The following VTI1A variants were observed in gnomAD, a reference collection of about 807,000 sequenced individuals.
VTI1A encodes the protein vesicle transport through interaction with t-SNAREs 1A, also known as vesicle transport through interaction with t-SNAREs homolog 1A.
VTI1A carries 22 observed loss-of-function variants against 34.9 expected under a neutral mutation model. The observed-to-expected ratio is 0.63, with a 90% confidence interval of 0.45 to 0.90. The LOEUF (loss-of-function observed/expected upper bound fraction) is 0.90. Among genes scored for constraint, VTI1A ranks in the 40% least tolerant of loss-of-function variants. VTI1A has a pLI of 0.00. For missense variants in VTI1A, 268 were observed against 275.6 expected (o/e 0.97, Z 0.20); for synonymous variants, 87 against 97.3 (o/e 0.89, Z 0.62).
intron 7 of VTI1A, among the ~76,000 whole-genome samples, chr10:112,683,254 T>C (rs2133863462): frequency 6.6e-6 from 1 of 152,342 alleles, no homozygotes; most frequent in South Asian, 2.1e-4. Flanking sequence ...GCAGTTGCGA[T>C]TCCCCAAACA....
intron 5 of VTI1A, among the ~76,000 whole-genome samples, chr10:112,599,960 C>T (rs1276906228): frequency 6.6e-6 from 1 of 152,062 alleles, no homozygotes; most frequent in Non-Finnish European, 1.5e-5. Context: ...ATAAATTATG[C>T]TATGTGTTCA....
At chr10:112,693,726 G>C (rs1005145839) in intron 7 of VTI1A, among the ~76,000 whole-genome samples, 17 of 152,066 alleles carry the variant, frequency 1.1e-4, no homozygotes, top group African/African-American at 1.9e-4. Context: ...AGCACAAAAG[G>C]TAAATTAAAA....
At chr10:112,792,699 A>G (rs1195877059) in intron 7 of VTI1A, among the ~76,000 whole-genome samples, 13 of 152,360 alleles carry the variant, frequency 8.5e-5, no homozygotes, top group African/African-American at 2.4e-4. Flanking sequence ...GCCCGTATCA[A>G]TGAAGCCTCC....
At chr10:112,468,114 G>A (rs1327269080) in intron 3 of VTI1A, among the ~76,000 whole-genome samples, 2 of 152,188 alleles carry the variant, frequency 1.3e-5, no homozygotes, top group Admixed American at 6.5e-5. Context: ...ACGTGTGTGT[G>A]CTTGCAGAGA....
chr10:112,641,878 A>G (rs1846588209), intron 5 of VTI1A, among the ~76,000 whole-genome samples: 1 of 152,192 alleles, frequency 6.6e-6, no homozygotes, highest in Non-Finnish European at 1.5e-5. Context: ...GTCTTTGAAC[A>G]CAAATGGGCC....
intron 7 of VTI1A, among the ~76,000 whole-genome samples, chr10:112,768,202 A>AT (rs111816957): frequency 6.6e-6 from 1 of 152,246 alleles, no homozygotes; most frequent in African/African-American, 2.4e-5. Flanking sequence ...GTGAGGATCC[A>AT]TTGTTATGGT....
At chr10:112,713,578 A>G (rs567775864) in intron 7 of VTI1A, among the ~76,000 whole-genome samples, 140 of 152,328 alleles carry the variant, frequency 9.2e-4, no homozygotes, top group African/African-American at 3.2e-3. Flanking sequence ...GCTCCAGTCT[A>G]TCAGCCTTAA....
In VTI1A at chr10:112,447,428, A is replaced by C. The variant is rs758215615; in HGVS notation, c.55A>C (p.Ile19Leu). Residue 19 changes from isoleucine (I) to leucine (L), a missense_variant, in exon 1 of 8, where the codon ATC becomes CTC. Coordinates refer to ENST00000393077, the MANE Select transcript of VTI1A (RefSeq NM_145206.4). Reference sequence around the variant, plus strand: ...GGACTTCGCGGTGCTCACTGCAGAGATCACCAGCAAGATTGCGAGGGTCCC... The same window carrying C: ...GGACTTCGCGGTGCTCACTGCAGAGCTCACCAGCAAGATTGCGAGGGTCCC... ...EQDFAVLTAEITSKIARVPRL... is the reference protein window; with the variant it reads ...EQDFAVLTAELTSKIARVPRL... 2 of 1,613,642 alleles carry C rather than the reference A, an allele frequency of 1.2e-6. No individual in the cohort carries two copies. Among genetic ancestry groups the C allele is most frequent in the Non-Finnish European group, 1.7e-6 (2 of 1,179,978 alleles).
chr10:112,645,324 T>C (rs1160568685), intron 5 of VTI1A, among the ~76,000 whole-genome samples: 1 of 152,172 alleles, frequency 6.6e-6, no homozygotes, highest in East Asian at 1.9e-4. Context: ...CAGTTACTCA[T>C]TATGGGGTGT....
At chr10:112,789,538 G>C (rs35589278) in intron 7 of VTI1A, among the ~76,000 whole-genome samples, 29,624 of 151,938 alleles carry the variant, frequency 0.19, 3,375 homozygotes, top group Middle Eastern at 0.3. Context: ...CTTCTTCTTG[G>C]ATTCCCATTA....
At chr10:112,691,634 A>C (rs2133881159) in intron 7 of VTI1A, among the ~76,000 whole-genome samples, 1 of 152,336 alleles carries the variant, frequency 6.6e-6, no homozygotes, top group East Asian at 1.9e-4. Flanking sequence ...CATACATAGA[A>C]ATGTGAGTTA....
chr10:112,793,045 C>G (rs537351196), intron 7 of VTI1A, among the ~76,000 whole-genome samples: 1 of 152,316 alleles, frequency 6.6e-6, no homozygotes, highest in South Asian at 2.1e-4. Context: ...TTGTCGCACA[C>G]TCGGTGAAGT....
intron 3 of VTI1A, among the ~76,000 whole-genome samples, chr10:112,482,999 AAGAG>A (rs1848502836): frequency 6.6e-6 from 1 of 152,166 alleles, no homozygotes; most frequent in Admixed American, 6.5e-5. Context: ...GGGAAATAAA[AAGAG>A]AGAAAAGAAG....
chr10:112,505,779 T>A (rs1357920841), intron 3 of VTI1A, among the ~76,000 whole-genome samples: 1 of 151,922 alleles, frequency 6.6e-6, no homozygotes, highest in African/African-American at 2.4e-5. Context: ...GCTCAAGCAA[T>A]CCTCCCACTT....
At chr10:112,838,945 C>T in the VTI1A span, among the ~76,000 whole-genome samples, 25 of 152,304 alleles carry the variant, frequency 1.6e-4, no homozygotes, top group African/African-American at 4.6e-4. Context: ...CAGTCAGTCC[C>T]GCAGCCTGCA....
At chr10:112,571,227 A>G (rs962909781) in intron 5 of VTI1A, among the ~76,000 whole-genome samples, 3 of 152,222 alleles carry the variant, frequency 2.0e-5, no homozygotes, top group Non-Finnish European at 1.5e-5. Context: ...TCCTAAGATG[A>G]TTTAAAATAT....
Position 112,447,433 on chromosome 10 carries a change from C to T in VTI1A, c.60C>T (p.Thr20=). Residue 20 remains threonine (T), a synonymous_variant, in exon 1 of 8, where the codon ACC becomes ACT. Coordinates refer to ENST00000393077, the MANE Select transcript of VTI1A (RefSeq NM_145206.4). The part of the protein sequence containing the change: ...QDFAVLTAEI[T]SKIARVPRLP... Reference sequence around the variant, plus strand: ...TCGCGGTGCTCACTGCAGAGATCACCAGCAAGATTGCGAGGGTCCCACGAC... The same window carrying T: ...TCGCGGTGCTCACTGCAGAGATCACTAGCAAGATTGCGAGGGTCCCACGAC... The T allele has an allele frequency of 6.2e-7, 1 of 1,613,710 alleles. No homozygotes were observed. Among genetic ancestry groups the T allele is most frequent in the Non-Finnish European group, 8.5e-7 (1 of 1,180,012 alleles).
At chr10:112,695,812 A>G (rs1195568084) in intron 7 of VTI1A, among the ~76,000 whole-genome samples, 1 of 152,208 alleles carries the variant, frequency 6.6e-6, no homozygotes, top group Non-Finnish European at 1.5e-5. Flanking sequence ...TTTTTACGCC[A>G]CACGTGACCC....
chr10:112,575,499 G>C (rs1367381491), intron 5 of VTI1A, among the ~76,000 whole-genome samples: 1 of 152,170 alleles, frequency 6.6e-6, no homozygotes, highest in Non-Finnish European at 1.5e-5. Flanking sequence ...CCTTCAGTAA[G>C]CGTTTGTTCG....
Sources: allele counts gnomAD v4.1 joint callset (sites outside exome capture counted in the v4.1 genomes callset), GRCh38; gene constraint gnomAD v4.1.1; transcripts MANE v1.5; gene names NCBI Gene and HGNC (gene_info 2026-07-23, HGNC 2026-07-21).